Variants in BICD2 observed in about 807,000 individuals in gnomAD.
BICD2 encodes the protein BICD cargo adaptor 2.
A neutral mutation model predicts 72.9 loss-of-function variants in BICD2; 25 were observed. The ratio of observed to expected loss-of-function variants is 0.34; its 90% CI spans 0.25 to 0.48. The LOEUF is 0.48. BICD2 is among the 20% of genes least tolerant of loss of function. BICD2 has a pLI of 0.99. For synonymous variants in BICD2, 501 were observed against 516.1 expected, an observed-to-expected ratio of 0.97 and a Z score of 0.40; for missense variants, 894 against 1,175.2, an observed-to-expected ratio of 0.76 and a Z score of 3.50.
At position 92,730,896 on chromosome 9, in the gene BICD2, G is replaced by A. The variant is rs1479944010; in HGVS notation, c.241-1660C>T. Among the ~76,000 whole-genome samples, 7 of 152,336 alleles carry A rather than the reference G, an allele frequency of 4.6e-5. No homozygotes were observed. The East Asian group carries it at 1.2e-3, about 25-fold the overall frequency. ...AACACCCACTACGTGGAAGATGTCC[G>A]CTTTTCTTCAAGGCAATCGGGTCAG... On this transcript the variant is annotated intron_variant, in intron 1 of 6. Transcript: ENST00000356884.
intron 1 of BICD2, among the ~76,000 whole-genome samples, chr9:92,760,096 C>T (rs571996041): frequency 1.3e-5 from 2 of 152,304 alleles, no homozygotes; most frequent in South Asian, 2.1e-4. Context: ...GGGCCGCAAG[C>T]TCCTGGGAGA....
intron 4 of BICD2, among the ~76,000 whole-genome samples, chr9:92,719,849 G>A (rs1420519400): frequency 1.3e-5 from 2 of 152,252 alleles, no homozygotes; most frequent in Non-Finnish European, 2.9e-5. Flanking sequence ...TGCTACAGGG[G>A]ATCTGGGCTA....
intron 1 of BICD2, among the ~76,000 whole-genome samples, chr9:92,740,945 G>T (rs867296480): frequency 6.6e-6 from 1 of 152,278 alleles, no homozygotes; most frequent in South Asian, 2.1e-4. Context: ...AGGGAGTCTG[G>T]GTGCTGTGTA....
Position 92,720,611 on chromosome 9 carries a change from G to T in BICD2, c.751C>A (p.Arg251Ser). Residue 251 changes from arginine (R) to serine (S), a missense_variant, in exon 4 of 7, where the codon CGC becomes AGC. Arg to Ser is a moderately radical substitution (Grantham distance 110). Around this residue, in one of 5 missense-constraint regions of BICD2, gnomAD observed 371 missense variants for 439.1 expected, o/e 0.84. Transcript: ENST00000356884. This position sits in a 1 kb window ranked among gnomAD's most constrained non-coding sequence, Gnocchi z 5.4. ...TTGCGCAGGCTGTTCTTCTGTTCGC[G>T]CTCCGTCTTCAGGGTCTCCAGCGCC... ...EEALETLKTEREQKNSLRKEL... is the reference protein window; with the variant it reads ...EEALETLKTESEQKNSLRKEL... 2.5e-6 allele frequency: 4 copies of T among 1,614,140 alleles called. No individual in the cohort carries two copies. Among genetic ancestry groups the T allele is most frequent in the Middle Eastern group, 1.6e-4 (1 of 6,062 alleles).
At position 92,764,570 on chromosome 9, in the gene BICD2, G is replaced by C; in HGVS notation, c.175C>G (p.Leu59Val). The C allele has an allele frequency of 6.4e-7, 1 of 1,563,022 alleles. No homozygotes were observed. The highest frequency in any genetic ancestry group is 8.7e-7 in the Non-Finnish European group (1 of 1,154,730). ...TCCACCTCGAGCTCCTCGAACTGCAGCTTGAGCTGGTGCTTCTCCTCGAGC... is the reference window on the plus strand; with the variant it reads ...TCCACCTCGAGCTCCTCGAACTGCACCTTGAGCTGGTGCTTCTCCTCGAGC... ...AVLEEKHQLKLQFEELEVDYE... is the reference protein window; with the variant it reads ...AVLEEKHQLKVQFEELEVDYE... Residue 59 changes from leucine to valine, a missense_variant, in exon 1 of 7, where the codon CTG (leucine) becomes GTG (valine). Leu to Val is a conservative substitution (Grantham distance 32). Around this residue, in one of 5 missense-constraint regions of BICD2, gnomAD observed 192 missense variants for 243.6 expected, o/e 0.79. Transcript: ENST00000356884. This position sits in a 1 kb window ranked among gnomAD's most constrained non-coding sequence, Gnocchi z 5.5.
rs1363038898 is a variant in BICD2, at chr9:92,713,477, AAG to A, written c.*1675_*1676del. The A allele has an allele frequency of 2.5e-6, 4 of 1,589,504 alleles. No individual in the cohort carries two copies. Among genetic ancestry groups the A allele is most frequent in the Non-Finnish European group, 3.4e-6 (4 of 1,166,846 alleles). On this transcript the variant is annotated 3_prime_UTR_variant, in exon 7 of 7. Transcript: ENST00000356884. ...TACTCTACAGCTGAAAACGGGAGAAAAGAGAGCGTTAGAAAGCGGTCATCTGT... is the reference window on the plus strand; with the variant it reads ...TACTCTACAGCTGAAAACGGGAGAAAAGAGCGTTAGAAAGCGGTCATCTGT...
At chr9:92,730,052 G>A (rs1853647839) in intron 1 of BICD2, among the ~76,000 whole-genome samples, 1 of 152,180 alleles carries the variant, frequency 6.6e-6, no homozygotes, top group Non-Finnish European at 1.5e-5. Flanking sequence ...CCAGGCGAGT[G>A]GCCCAGCCTC....
intron 1 of BICD2, among the ~76,000 whole-genome samples, chr9:92,744,724 C>G (rs1587685388): frequency 6.6e-6 from 1 of 151,926 alleles, no homozygotes; most frequent in Non-Finnish European, 1.5e-5. Flanking sequence ...GCCTGTAGAC[C>G]CAGCTACTCA....
intron 1 of BICD2, among the ~76,000 whole-genome samples, chr9:92,756,960 C>G (rs902303289): frequency 2.6e-5 from 4 of 152,044 alleles, no homozygotes; most frequent in Admixed American, 6.5e-5. Flanking sequence ...GCACCCTCCA[C>G]AGCATAAAAA....
Position 92,714,004 on chromosome 9 carries a change from C to T in BICD2, c.*1150G>A. 1 of 986,962 alleles carries T rather than the reference C, an allele frequency of 1.0e-6. No individual in the cohort carries two copies. Among genetic ancestry groups the T allele is most frequent in the Non-Finnish European group, 1.2e-6 (1 of 830,896 alleles). 61.1% of individuals were successfully genotyped at this position (986,962 alleles called of 1,614,324 possible). A position where few individuals can be genotyped will look rare whatever the true frequency, so the allele number is the denominator to read the frequency against. On this transcript the variant is annotated 3_prime_UTR_variant, in exon 7 of 7. Transcript: ENST00000356884. ...GAAAAAAGTACTGAGAAAAGTTCTG[C>T]TCAGAATGTGGGAAGGCAGGTGTGG... is the stretch of plus-strand genomic sequence containing the variant.
At position 92,718,519 on chromosome 9, in the gene BICD2, CCTG is replaced by C. The variant is rs763700344; in HGVS notation, c.2106+17_2106+19del. ...AGGCCAGTAGTAGGTGACATGTGCC[CCTG>C]CTGCCTGGCACCTCACCTGCTTGTT... On this transcript the variant is annotated intron_variant, in intron 5 of 6. Coordinates refer to ENST00000356884, the MANE Select transcript of BICD2 (RefSeq NM_001003800.2). The C allele has an allele frequency of 6.3e-7, 1 of 1,592,202 alleles. No homozygotes were observed. The highest frequency in any genetic ancestry group is 2.2e-5 in the East Asian group (1 of 44,626).
chr9:92,725,046 A>T (rs1429472788), intron 2 of BICD2, among the ~76,000 whole-genome samples: 1 of 152,228 alleles, frequency 6.6e-6, no homozygotes, highest in African/African-American at 2.4e-5. Flanking sequence ...TGCTCCAGGC[A>T]GTGGGAAGTG....
intron 1 of BICD2, among the ~76,000 whole-genome samples, chr9:92,732,378 A>C (rs535570565): frequency 6.6e-6 from 1 of 150,440 alleles, no homozygotes; most frequent in Admixed American, 6.6e-5. Context: ...TACCCAAAGG[A>C]GAAAAAGGGG....
intron 1 of BICD2, among the ~76,000 whole-genome samples, chr9:92,733,366 T>C (rs1853713203): frequency 6.6e-6 from 1 of 150,978 alleles, no homozygotes; most frequent in African/African-American, 2.4e-5. Flanking sequence ...TGAAACCTCG[T>C]CTCTACTAAA....
intron 1 of BICD2, among the ~76,000 whole-genome samples, chr9:92,755,290 A>C (rs1355090087): frequency 2.0e-5 from 3 of 152,220 alleles, no homozygotes; most frequent in Admixed American, 6.5e-5. Flanking sequence ...ATAAGATGTT[A>C]TCAATAACAA....
chr9:92,744,404 A>C (rs1055362727), intron 1 of BICD2, among the ~76,000 whole-genome samples: 4 of 152,224 alleles, frequency 2.6e-5, no homozygotes, highest in African/African-American at 9.6e-5. Flanking sequence ...GAAGCTGACT[A>C]CATGCAACTT....
At position 92,711,808 on chromosome 9, in the gene BICD2, G is replaced by A. The variant is rs1853200171; in HGVS notation, c.*3346C>T. The A allele has an allele frequency of 6.6e-6, 1 of 152,444 alleles. No homozygotes were observed. The highest frequency in any genetic ancestry group is 1.5e-5 in the Non-Finnish European group (1 of 68,012). 9.4% of individuals were successfully genotyped at this position (152,444 alleles called of 1,614,324 possible). ...TAGGAATAAGAAATGCTTATTCCAGGAAACAGAATTCTTTTATTTTTGTCA... is the reference window on the plus strand; with the variant it reads ...TAGGAATAAGAAATGCTTATTCCAGAAAACAGAATTCTTTTATTTTTGTCA... On this transcript the variant is annotated 3_prime_UTR_variant, in exon 7 of 7. Coordinates refer to ENST00000356884, the MANE Select transcript of BICD2 (RefSeq NM_001003800.2).
At chr9:92,740,775 C>G (rs1461935535) in intron 1 of BICD2, among the ~76,000 whole-genome samples, 1 of 152,118 alleles carries the variant, frequency 6.6e-6, no homozygotes, top group Non-Finnish European at 1.5e-5. Context: ...TACCCCAAAA[C>G]CAGGGAACTG....
chr9:92,757,009 G>T (rs377416176), intron 1 of BICD2, among the ~76,000 whole-genome samples: 11 of 152,116 alleles, frequency 7.2e-5, no homozygotes, highest in African/African-American at 2.4e-4. Flanking sequence ...GTATGAAAGG[G>T]GACAGGACAG....
Sources: allele counts gnomAD v4.1 joint callset (sites outside exome capture counted in the v4.1 genomes callset), GRCh38; gene constraint gnomAD v4.1.1; regional missense constraint gnomAD v4.1.1; non-coding constraint Gnocchi (gnomAD v3.1); transcripts MANE v1.5; gene names NCBI Gene and HGNC (gene_info 2026-07-23, HGNC 2026-07-21).